The following RNLS variants were observed in gnomAD, a reference collection of about 807,000 sequenced individuals.
RNLS encodes renalase.
A neutral mutation model predicts 39.8 loss-of-function variants in RNLS; 39 were observed. That is an observed-to-expected ratio of 0.98 (90% CI 0.76 to 1.28). The LOEUF is 1.28. Ranked by LOEUF, RNLS falls within the 50% of genes most tolerant of loss-of-function variation. The pLI is 0.00. For synonymous variants in RNLS, 147 were observed against 150.7 expected (o/e 0.98, Z 0.18); for missense variants, 410 against 413.3 (o/e 0.99, Z 0.07).
intron 4 of RNLS, among the ~76,000 whole-genome samples, chr10:88,420,056 A>AAATG (rs1251837103): frequency 7.9e-3 from 341 of 43,080 alleles, no homozygotes; most frequent in Non-Finnish European, 0.014. Flanking sequence ...ATAAATAAAT[A>AAATG]AATGAATGAA....
intron 4 of RNLS, among the ~76,000 whole-genome samples, chr10:88,452,228 A>T (rs1173526868): frequency 2.0e-5 from 3 of 152,196 alleles, no homozygotes; most frequent in African/African-American, 7.2e-5. Flanking sequence ...GAGATGACTA[A>T]TGATAGTCTA....
intron 4 of RNLS, among the ~76,000 whole-genome samples, chr10:88,514,369 G>A (rs746537406): frequency 6.6e-6 from 1 of 151,996 alleles, no homozygotes; most frequent in Non-Finnish European, 1.5e-5. Flanking sequence ...TCCCTCCCTC[G>A]ACACATGGGG....
At chr10:88,174,847 T>G in the RNLS span, among the ~76,000 whole-genome samples, 1 of 152,180 alleles carries the variant, frequency 6.6e-6, no homozygotes. Context: ...TAGTTCTTCT[T>G]TAAAAGTTTG....
Position 88,528,783 on chromosome 10 carries a change from G to A in RNLS, c.526+44120C>T, listed in dbSNP as rs538221969. Among the ~76,000 whole-genome samples the A allele has an allele frequency of 2.0e-5, 3 of 151,606 alleles. No individual in the cohort carries two copies. In the East Asian group the frequency reaches 5.8e-4, roughly 29 times the overall value. ...CAGGAGAATTGCTTGAACCCAGGAG[G>A]CGGAGGTTGCAGTGAGCCAAGACCG... On this transcript the variant is annotated intron_variant, in intron 4 of 6. Transcript: ENST00000331772.
chr10:88,362,543 G>A lies in RNLS; in HGVS notation c.700+9C>T. On this transcript the variant is annotated intron_variant, in intron 5 of 6. Coordinates refer to ENST00000331772, the MANE Select transcript of RNLS (RefSeq NM_001031709.3). ...TGCTGTATTTAAGGGAAATAATAGGGGTACTGACCTATATTGCGCTTCTTA... is the reference window on the plus strand; with the variant it reads ...TGCTGTATTTAAGGGAAATAATAGGAGTACTGACCTATATTGCGCTTCTTA... The A allele has an allele frequency of 6.2e-7, 1 of 1,611,000 alleles. No homozygotes were observed. The highest frequency in any genetic ancestry group is 8.5e-7 in the Non-Finnish European group (1 of 1,178,098).
chr10:88,291,619 G>A (rs1273567664), intron 6 of RNLS, among the ~76,000 whole-genome samples: 3 of 152,210 alleles, frequency 2.0e-5, no homozygotes, highest in Non-Finnish European at 4.4e-5. Flanking sequence ...TGGCATTTGA[G>A]AGGAATTCTA....
the RNLS span, among the ~76,000 whole-genome samples, chr10:88,190,539 T>A: frequency 6.6e-6 from 1 of 152,214 alleles, no homozygotes; most frequent in East Asian, 1.9e-4. Flanking sequence ...TAGTAAGTGT[T>A]GCATGAACCC....
chr10:88,495,265 ATCTT>A (rs1214949195), intron 4 of RNLS, among the ~76,000 whole-genome samples: 3 of 152,194 alleles, frequency 2.0e-5, no homozygotes, highest in African/African-American at 4.8e-5. Context: ...TATGAAAGTT[ATCTT>A]TCTAAGAAAG....
intron 4 of RNLS, among the ~76,000 whole-genome samples, chr10:88,490,632 T>C (rs1047034780): frequency 1.3e-5 from 2 of 152,196 alleles, no homozygotes; most frequent in African/African-American, 2.4e-5. Context: ...AATATACTTA[T>C]TTTTTAAAAT....
intron 4 of RNLS, among the ~76,000 whole-genome samples, chr10:88,457,153 G>T (rs189560083): frequency 1.3e-5 from 2 of 152,136 alleles, no homozygotes; most frequent in Non-Finnish European, 2.9e-5. Flanking sequence ...TTTTCATTTG[G>T]TGGTGTGGCA....
the RNLS span, among the ~76,000 whole-genome samples, chr10:88,201,752 C>G: frequency 3.6e-3 from 552 of 151,892 alleles, 3 homozygotes; most frequent in Non-Finnish European, 5.4e-3. Flanking sequence ...TAACAGATAA[C>G]CAACTTTTCA....
the RNLS span, among the ~76,000 whole-genome samples, chr10:88,197,467 G>T: frequency 6.6e-6 from 1 of 152,092 alleles, no homozygotes. Context: ...AGTAGCTCCT[G>T]TCATGGTAGG....
downstream of RNLS, among the ~76,000 whole-genome samples, chr10:88,282,328 C>T (rs1245886189): frequency 2.6e-5 from 4 of 152,038 alleles, no homozygotes. Context: ...AGAAACGGGT[C>T]ATGAGGGGCT....
the RNLS span, among the ~76,000 whole-genome samples, chr10:88,251,846 A>G: frequency 6.6e-6 from 1 of 152,196 alleles, no homozygotes; most frequent in Non-Finnish European, 1.5e-5. Flanking sequence ...GCTTTGTTGA[A>G]TCTGAGGCCC....
At chr10:88,172,839 G>GTT in the RNLS span, among the ~76,000 whole-genome samples, 4 of 31,510 alleles carry the variant, frequency 1.3e-4, no homozygotes, top group Non-Finnish European at 2.7e-4. Flanking sequence ...TGCATTTTGA[G>GTT]TTGTTTTTTT....
chr10:88,231,065 A>T, the RNLS span, among the ~76,000 whole-genome samples: 25 of 151,954 alleles, frequency 1.6e-4, no homozygotes, highest in Admixed American at 1.2e-3. Flanking sequence ...AATTACTGCA[A>T]TTTCTCCCTC....
intron 4 of RNLS, among the ~76,000 whole-genome samples, chr10:88,411,691 A>C (rs1853666485): frequency 6.6e-6 from 1 of 152,150 alleles, no homozygotes; most frequent in Non-Finnish European, 1.5e-5. Context: ...CTAAATGGGA[A>C]GACAGATAAG....
chr10:88,240,379 A>G, the RNLS span, among the ~76,000 whole-genome samples: 1 of 149,536 alleles, frequency 6.7e-6, no homozygotes, highest in Non-Finnish European at 1.5e-5. Context: ...CTTGATATTA[A>G]TTGAAATCAG....
At chr10:88,512,710 T>C (rs1208929225) in intron 4 of RNLS, among the ~76,000 whole-genome samples, 2 of 152,126 alleles carry the variant, frequency 1.3e-5, no homozygotes, top group Non-Finnish European at 2.9e-5. Context: ...CAATGCATCT[T>C]ACACTCCAAC....
Sources: allele counts gnomAD v4.1 joint callset (sites outside exome capture counted in the v4.1 genomes callset), GRCh38; gene constraint gnomAD v4.1.1; transcripts MANE v1.5; gene names NCBI Gene and HGNC (gene_info 2026-07-23, HGNC 2026-07-21).